ABLIM2: variants seen among roughly 807,000 people sequenced by gnomAD.
The protein encoded by ABLIM2 is actin binding LIM protein family member 2, also known as actin-binding LIM protein 2.
ABLIM2 carries 53 observed loss-of-function variants against 97.7 expected under a neutral mutation model. The ratio of observed to expected loss-of-function variants is 0.54; its 90% CI spans 0.44 to 0.68. The LOEUF is 0.68. ABLIM2 is among the 30% of genes least tolerant of loss of function. The probability of loss-of-function intolerance (pLI) is 0.00; values close to 1 mark genes in which losing one functional copy is unlikely to be tolerated. For synonymous variants in ABLIM2, 361 were observed against 345.8 expected, an observed-to-expected ratio of 1.04 and a Z score of -0.49; for missense variants, 835 against 867.2, an observed-to-expected ratio of 0.96 and a Z score of 0.47.
In ABLIM2 at chr4:8,112,611, T is replaced by G. The variant is rs999445748; in HGVS notation, c.11-5974A>C. Among the ~76,000 whole-genome samples the G allele has an allele frequency of 3.3e-5, 5 of 151,390 alleles. No homozygotes were observed. Among genetic ancestry groups the G allele is most frequent in the African/African-American group, 1.2e-4 (5 of 41,090 alleles). On this transcript the variant is annotated intron_variant, in intron 1 of 20. Coordinates refer to ENST00000447017, the MANE Select transcript of ABLIM2 (RefSeq NM_001130083.2). This position sits in a 1 kb window ranked among gnomAD's most constrained non-coding sequence, Gnocchi z 4.2. ...GAGGTTTCCCAGTCCAGAGCGGGAGTCCACAAGCATTTTCAGGAAAAGGCA... is the reference window on the plus strand; with the variant it reads ...GAGGTTTCCCAGTCCAGAGCGGGAGGCCACAAGCATTTTCAGGAAAAGGCA...
At chr4:7,967,531 G>A (rs576856670) in intron 20 of ABLIM2, among the ~76,000 whole-genome samples, 3 of 152,150 alleles carry the variant, frequency 2.0e-5, no homozygotes, top group South Asian at 4.2e-4. Context: ...GTTTACCCCC[G>A]GGACTTCGTA....
chr4:7,987,858 G>A (rs1180533824), intron 17 of ABLIM2, among the ~76,000 whole-genome samples: 2 of 152,144 alleles, frequency 1.3e-5, no homozygotes, highest in Non-Finnish European at 2.9e-5. Flanking sequence ...GGGGTCTTCA[G>A]TTACTGCCTT....
intron 18 of ABLIM2, 86 bp from the exon 19 acceptor site, chr4:7,983,640 T>C (rs1253061711): frequency 4.0e-6 from 6 of 1,512,536 alleles, no homozygotes; most frequent in Admixed American, 1.9e-5. Flanking sequence ...TGCCCTGGGG[T>C]ACCCCTGTCT....
chr4:8,101,693 AG>A (rs1296859156), intron 2 of ABLIM2, among the ~76,000 whole-genome samples: 1 of 152,142 alleles, frequency 6.6e-6, no homozygotes, highest in Non-Finnish European at 1.5e-5. Context: ...CAATAGGACC[AG>A]AAAATGCCCG....
intron 10 of ABLIM2, among the ~76,000 whole-genome samples, chr4:8,035,611 G>T (rs1379830331): frequency 6.6e-6 from 1 of 152,248 alleles, no homozygotes; most frequent in East Asian, 1.9e-4. Flanking sequence ...GAAATGGACA[G>T]AGCAGCTCTG....
chr4:8,106,228 G>C (rs1015578281), intron 2 of ABLIM2, among the ~76,000 whole-genome samples: 3 of 152,192 alleles, frequency 2.0e-5, no homozygotes, highest in Non-Finnish European at 4.4e-5. Context: ...AGAATTCTCT[G>C]AGGCTGGGTG....
At position 7,968,735 on chromosome 4, in the gene ABLIM2, AAATGTTCCGGAGCTGG is replaced by A. The variant is rs1455896778; in HGVS notation, c.1825-1648_1825-1633del. The stretch of plus-strand genomic sequence containing the variant: ...ATGGGGTTTCCTCTTGTGGTGAAGA[AAATGTTCCGGAGCTGG>A]AATGTTCCGGAGTTGGAATGTTCCG... On this transcript the variant is annotated intron_variant, in intron 20 of 20. Coordinates refer to ENST00000447017, the MANE Select transcript of ABLIM2 (RefSeq NM_001130083.2). Among the ~76,000 whole-genome samples the A allele has an allele frequency of 7.2e-5, 11 of 152,306 alleles. No homozygotes were observed. The South Asian group carries it at 1.9e-3, about 26-fold the overall frequency.
rs893169435 is a variant in ABLIM2, at chr4:8,071,639, G to A, written c.675+5989C>T. The A allele has an allele frequency of 1.1e-5, 10 of 918,910 alleles. No individual in the cohort carries two copies. The highest frequency in any genetic ancestry group is 1.3e-5 in the Non-Finnish European group (10 of 769,408). 56.9% of individuals were successfully genotyped at this position (918,910 alleles called of 1,614,324 possible). A position where few individuals can be genotyped will look rare whatever the true frequency, so the allele number is the denominator to read the frequency against. ...CAAGCGCCTTAGGGGGCAAAACGGG[G>A]GTGGGGGAACAGGTGGCTCCGAGGT... On this transcript the variant is annotated intron_variant, in intron 6 of 20. Transcript: ENST00000447017. The surrounding 1 kb of genome is among the most constrained non-coding windows in gnomAD (Gnocchi z 6.2).
intron 12 of ABLIM2, among the ~76,000 whole-genome samples, chr4:8,027,487 G>A (rs747466334): frequency 3.3e-5 from 5 of 152,206 alleles, no homozygotes; most frequent in South Asian, 2.1e-4. Flanking sequence ...GCCTGTGGGC[G>A]GGTGTGCAGG....
chr4:8,099,271 G>A (rs1002826239), intron 2 of ABLIM2, among the ~76,000 whole-genome samples: 12 of 152,212 alleles, frequency 7.9e-5, no homozygotes, highest in African/African-American at 2.7e-4. Flanking sequence ...TGATGTCAGC[G>A]CCACCTGCCC....
chr4:8,065,983 G>A (rs1365264400), intron 6 of ABLIM2, among the ~76,000 whole-genome samples: 1 of 140,876 alleles, frequency 7.1e-6, no homozygotes, highest in Non-Finnish European at 1.6e-5. Context: ...GGGGAGGGGA[G>A]GGCAGGGGAG....
At chr4:8,115,364 G>A (rs1842350297) in intron 1 of ABLIM2, among the ~76,000 whole-genome samples, 1 of 152,146 alleles carries the variant, frequency 6.6e-6, no homozygotes, top group African/African-American at 2.4e-5. Flanking sequence ...TTTCGCGCCT[G>A]CCTGCTGCAC....
chr4:8,101,707 C>G lies in ABLIM2; in HGVS notation c.155-4425G>C, dbSNP rs545374951. On this transcript the variant is annotated intron_variant, in intron 2 of 20. Coordinates refer to ENST00000447017, the MANE Select transcript of ABLIM2 (RefSeq NM_001130083.2). Reference sequence around the variant, plus strand: ...CCAATAGGACCAGAAAATGCCCGCTCTCCCGAGGGCACACATGGGTGTGGC... The same window carrying G: ...CCAATAGGACCAGAAAATGCCCGCTGTCCCGAGGGCACACATGGGTGTGGC... 9.8e-5 allele frequency among the ~76,000 whole-genome samples: 15 copies of G among 152,312 alleles called. No homozygotes were observed. The South Asian group carries it at 1.2e-3, about 13-fold the overall frequency.
At chr4:7,987,121 C>T (rs556080770) in intron 17 of ABLIM2, among the ~76,000 whole-genome samples, 5 of 152,236 alleles carry the variant, frequency 3.3e-5, no homozygotes, top group Admixed American at 3.3e-4. Context: ...GGACTACAGG[C>T]GCATGCCATC....
chr4:8,099,221 C>T (rs1160962609), intron 2 of ABLIM2, among the ~76,000 whole-genome samples: 2 of 152,242 alleles, frequency 1.3e-5, no homozygotes, highest in African/African-American at 2.4e-5. Context: ...TGGGGAGAAG[C>T]AGAGACTTGG....
In ABLIM2 at chr4:8,072,185, T is replaced by G. The variant is rs1351445300; in HGVS notation, c.675+5443A>C. ...AGGAGGAAAAAACCCAGACCTGTTT[T>G]GCTCCTGTTCCTCGAATTAGGATGG... On this transcript the variant is annotated intron_variant, in intron 6 of 20. Coordinates refer to ENST00000447017, the MANE Select transcript of ABLIM2 (RefSeq NM_001130083.2). The surrounding 1 kb of genome is among the most constrained non-coding windows in gnomAD (Gnocchi z 5.8). 6.6e-6 allele frequency among the ~76,000 whole-genome samples: 1 copy of G among 152,240 alleles called. No homozygotes were observed. The highest frequency in any genetic ancestry group is 6.5e-5 in the Admixed American group (1 of 15,286).
In ABLIM2 at chr4:8,071,748, G is replaced by A. The variant is rs1812332759; in HGVS notation, c.675+5880C>T. 2 of 985,158 alleles carry A rather than the reference G, an allele frequency of 2.0e-6. No homozygotes were observed. Among genetic ancestry groups the A allele is most frequent in the East Asian group, 1.1e-4 (1 of 8,788 alleles). The allele number at this position is 985,158 out of a possible 1,614,324, so 61.0% of individuals were successfully genotyped here. On this transcript the variant is annotated intron_variant, in intron 6 of 20. Coordinates refer to ENST00000447017, the MANE Select transcript of ABLIM2 (RefSeq NM_001130083.2). This position sits in a 1 kb window ranked among gnomAD's most constrained non-coding sequence, Gnocchi z 6.2. The stretch of plus-strand genomic sequence containing the variant: ...TGTGAGCCCCCATCAGCCCCTTGGA[G>A]TTGCGGGCCAGGTTTCCTACCTGCA...
Position 8,023,259 on chromosome 4 carries a change from T to A in ABLIM2, c.1268-2956A>T, listed in dbSNP as rs955236994. 2 of 152,258 alleles carry A rather than the reference T, an allele frequency of 1.3e-5. No individual in the cohort carries two copies. The highest frequency in any genetic ancestry group is 2.9e-5 in the Non-Finnish European group (2 of 68,074). The allele number at this position is 152,258 out of a possible 1,614,324, so 9.4% of individuals were successfully genotyped here. On this transcript the variant is annotated intron_variant, in intron 12 of 20. Transcript: ENST00000447017. The surrounding 1 kb of genome is among the most constrained non-coding windows in gnomAD (Gnocchi z 5.7). ...CACGGGATTCGGGTTTCCCCGGGTG[T>A]CACCTGATGTTCTTCCGCTCCAGGA...
chr4:7,992,834 T>C lies in ABLIM2; in HGVS notation c.1680+32A>G, dbSNP rs377566520. 97 of 1,601,672 alleles carry C rather than the reference T, an allele frequency of 6.1e-5. 1 individual carries two copies. The African/African-American group carries it at 1.1e-3, about 18-fold the overall frequency. ...TGCTCAGCCTCACAGCAATCGTTAG[T>C]ACCCTGTGGCCAGGGAGGGGTCAGT... is the stretch of plus-strand genomic sequence containing the variant. On this transcript the variant is annotated intron_variant, in intron 17 of 20. Transcript: ENST00000447017. The surrounding 1 kb of genome is among the most constrained non-coding windows in gnomAD (Gnocchi z 5.7).
Sources: allele counts gnomAD v4.1 joint callset (sites outside exome capture counted in the v4.1 genomes callset), GRCh38; gene constraint gnomAD v4.1.1; non-coding constraint Gnocchi (gnomAD v3.1); transcripts MANE v1.5; gene names NCBI Gene and HGNC (gene_info 2026-07-23, HGNC 2026-07-21).